FAM209A: variants seen among roughly 807,000 people sequenced by gnomAD.
FAM209A encodes protein FAM209A.
Under a neutral mutation model 9.8 loss-of-function variants are expected in FAM209A, and 4 were observed. That is an observed-to-expected ratio of 0.41 (90% CI 0.20 to 0.94). The LOEUF (loss-of-function observed/expected upper bound fraction) is 0.94, where lower values mean the gene tolerates loss of function less well. Among genes scored for constraint, FAM209A ranks in the 40% least tolerant of loss-of-function variants. The pLI is 0.32. For synonymous variants in FAM209A, 55 were observed against 77.8 expected (o/e 0.71, Z 1.54); for missense variants, 205 against 209.4 (o/e 0.98, Z 0.13).
downstream of FAM209A, among the ~76,000 whole-genome samples, chr20:56,527,888 C>T (rs2146397911): frequency 6.6e-6 from 1 of 152,332 alleles, no homozygotes; most frequent in South Asian, 2.1e-4. Context: ...GGACAGATCA[C>T]CTGAGGTCAG....
At chr20:56,529,094 G>C (rs1362357990), downstream of FAM209A, among the ~76,000 whole-genome samples, 1 of 152,008 alleles carries the variant, frequency 6.6e-6, no homozygotes, top group Non-Finnish European at 1.5e-5. Flanking sequence ...TGTAATCCCA[G>C]CTACTTGGGA....
downstream of FAM209A, among the ~76,000 whole-genome samples, chr20:56,530,776 T>C (rs2146399573): frequency 6.6e-6 from 1 of 152,090 alleles, no homozygotes; most frequent in South Asian, 2.1e-4. Flanking sequence ...CCCAAAGTGC[T>C]GGGATTACAG....
chr20:56,526,287 A>G (rs538089242), downstream of FAM209A: 59 of 600,468 alleles, frequency 9.8e-5, no homozygotes, highest in Admixed American at 6.5e-4. Context: ...GGTGAGAAGA[A>G]CACCGAAAGC....
downstream of FAM209A, among the ~76,000 whole-genome samples, chr20:56,528,205 T>C (rs1342163077): frequency 6.6e-6 from 1 of 151,498 alleles, no homozygotes; most frequent in Admixed American, 6.6e-5. Context: ...ATCTTTTGGG[T>C]CTGGGAGGTC....
rs1195196428 is a variant in FAM209A at position 56,525,802 on chromosome 20, A to G, written c.250-2A>G. 2 of 1,612,768 alleles carry G rather than the reference A, an allele frequency of 1.2e-6. No homozygotes were observed. Among genetic ancestry groups the G allele is most frequent in the Non-Finnish European group, 8.5e-7 (1 of 1,179,478 alleles). On this transcript the variant is annotated splice_acceptor_variant, in intron 1 of 1. Transcript: ENST00000371328. LOFTEE classifies it high-confidence loss of function. ...ACTGACCTTGAGTATCTTTCCTGAC[A>G]GGAGCAGAGTCCTCCTGGCCTTCGA...
chr20:56,524,898 C>T lies in FAM209A; in HGVS notation c.90C>T (p.Ser30=), dbSNP rs749356394. Residue 30 remains serine (S), a synonymous_variant, in exon 1 of 2, where the codon AGC becomes AGT. Transcript: ENST00000371328. ...TCTCTTCTCTGAGACAGAAAACTAG[C>T]GAACCCCAGGGGAAGGTGCAATACG... ...FMFSSLRQKT[S]EPQGKVQYGE... 36 of 1,613,968 alleles carry T rather than the reference C, an allele frequency of 2.2e-5. No individual in the cohort carries two copies. The highest frequency in any genetic ancestry group is 2.6e-5 in the Non-Finnish European group (31 of 1,179,962).
At chr20:56,532,914 G>A in the FAM209A span, among the ~76,000 whole-genome samples, 3 of 152,116 alleles carry the variant, frequency 2.0e-5, no homozygotes, top group East Asian at 1.9e-4. Context: ...AGGTGGCTCC[G>A]AGTTTGTAGG....
At chr20:56,525,655 C>A in intron 1 of FAM209A, 149 bp from the exon 2 acceptor site, 1 of 785,428 alleles carries the variant, frequency 1.3e-6, no homozygotes, top group Non-Finnish European at 2.1e-6. Context: ...CAAACCCTTC[C>A]CGTAAAGGGC....
At chr20:56,527,003 C>T (rs1985556161), downstream of FAM209A, among the ~76,000 whole-genome samples, 1 of 152,240 alleles carries the variant, frequency 6.6e-6, no homozygotes, top group African/African-American at 2.4e-5. Context: ...GATTAATTGA[C>T]ATGTTCTTTA....
chr20:56,525,723 C>T (rs1243284385), intron 1 of FAM209A, 81 bp from the exon 2 acceptor site: 1 of 1,427,504 alleles, frequency 7.0e-7, no homozygotes, highest in Non-Finnish European at 9.6e-7. Flanking sequence ...TGCAACTACT[C>T]AAGTCTGCTG....
the FAM209A span, chr20:56,533,522 C>T: frequency 3.7e-6 from 6 of 1,614,186 alleles, no homozygotes; most frequent in Non-Finnish European, 5.1e-6. Flanking sequence ...GAGCAAATGG[C>T]TCTGGCTTTT....
downstream of FAM209A, chr20:56,526,191 C>G: frequency 7.1e-7 from 1 of 1,408,076 alleles, no homozygotes; most frequent in Non-Finnish European, 9.4e-7. Context: ...CTTTTTTTCA[C>G]TAGAAGAAAA....
chr20:56,527,968 A>G (rs2146397959), downstream of FAM209A, among the ~76,000 whole-genome samples: 1 of 152,278 alleles, frequency 6.6e-6, no homozygotes, highest in East Asian at 1.9e-4. Flanking sequence ...TTAGCTGGGC[A>G]TGGTGGAAGA....
chr20:56,528,237 T>A (rs1985619868), downstream of FAM209A, among the ~76,000 whole-genome samples: 2 of 151,900 alleles, frequency 1.3e-5, no homozygotes, highest in Non-Finnish European at 2.9e-5. Flanking sequence ...GAGCCATGAT[T>A]GCACCGTAGT....
downstream of FAM209A, among the ~76,000 whole-genome samples, chr20:56,530,740 C>T (rs933552896): frequency 1.3e-5 from 2 of 151,626 alleles, no homozygotes; most frequent in African/African-American, 2.4e-5. Context: ...AACTCCTGAC[C>T]TCAGATGATC....
downstream of FAM209A, among the ~76,000 whole-genome samples, chr20:56,528,721 C>T (rs368406400): frequency 1.3e-5 from 2 of 152,140 alleles, no homozygotes; most frequent in East Asian, 3.9e-4. Context: ...GATTGGGAGC[C>T]CAAAGACCTC....
downstream of FAM209A, among the ~76,000 whole-genome samples, chr20:56,530,745 A>G (rs1310624700): frequency 1.3e-5 from 2 of 150,916 alleles, no homozygotes; most frequent in Admixed American, 1.3e-4. Context: ...CTGACCTCAG[A>G]TGATCTGCTC....
chr20:56,532,939 A>G, the FAM209A span, among the ~76,000 whole-genome samples: 1 of 152,194 alleles, frequency 6.6e-6, no homozygotes, highest in Non-Finnish European at 1.5e-5. Flanking sequence ...CTGTGGTTTA[A>G]TATCTTTCTC....
chr20:56,526,891 A>G (rs1210594214), downstream of FAM209A, among the ~76,000 whole-genome samples: 2 of 152,098 alleles, frequency 1.3e-5, no homozygotes, highest in African/African-American at 2.4e-5. Flanking sequence ...ACATAGTGAG[A>G]CCCCATCTCT....
Sources: allele counts gnomAD v4.1 joint callset (sites outside exome capture counted in the v4.1 genomes callset), GRCh38; gene constraint gnomAD v4.1.1; transcripts MANE v1.5; gene names NCBI Gene and HGNC (gene_info 2026-07-23, HGNC 2026-07-21).